Variants in ADCY2 observed in about 807,000 individuals in gnomAD.
ADCY2 encodes the protein adenylate cyclase type 2.
Under a neutral mutation model 125.2 loss-of-function variants are expected in ADCY2, and 31 were observed. That is an observed-to-expected ratio of 0.25 (90% confidence interval 0.19 to 0.33). The LOEUF is 0.33. Ranked by LOEUF, ADCY2 falls within the 10% of genes least tolerant of loss-of-function variation. ADCY2 has a pLI of 1.00. For synonymous variants in ADCY2, 512 were observed against 548.4 expected (o/e 0.93, Z 0.93); for missense variants, 904 against 1,418.2 (o/e 0.64, Z 5.82).
chr5:7,633,425 G>C (rs1738392049), intron 4 of ADCY2, among the ~76,000 whole-genome samples: 1 of 145,158 alleles, frequency 6.9e-6, no homozygotes, highest in Non-Finnish European at 1.5e-5. Flanking sequence ...AACAGAGCAA[G>C]ACTCCATCTC....
At chr5:7,498,130 A>G (rs1296053631) in intron 2 of ADCY2, among the ~76,000 whole-genome samples, 4 of 152,142 alleles carry the variant, frequency 2.6e-5, no homozygotes, top group Non-Finnish European at 1.5e-5. Flanking sequence ...GTGTGGGAGA[A>G]CAGTATATGT....
At chr5:7,784,138 A>G (rs1744009075) in intron 18 of ADCY2, among the ~76,000 whole-genome samples, 1 of 152,120 alleles carries the variant, frequency 6.6e-6, no homozygotes, top group African/African-American at 2.4e-5. Flanking sequence ...GTATAGCTTG[A>G]TATAAAGTAG....
intron 3 of ADCY2, among the ~76,000 whole-genome samples, chr5:7,575,208 C>T (rs1736208862): frequency 6.6e-6 from 1 of 151,830 alleles, no homozygotes; most frequent in East Asian, 1.9e-4. Context: ...AGAAAAATGT[C>T]TGCATTTTAA....
chr5:7,590,796 G>C (rs1736827926), intron 3 of ADCY2, among the ~76,000 whole-genome samples: 1 of 152,082 alleles, frequency 6.6e-6, no homozygotes, highest in African/African-American at 2.4e-5. Flanking sequence ...ATAGAGAAAA[G>C]GGTCCAGTAT....
intron 2 of ADCY2, among the ~76,000 whole-genome samples, chr5:7,480,650 G>A (rs956148275): frequency 6.6e-6 from 1 of 152,036 alleles, no homozygotes; most frequent in Non-Finnish European, 1.5e-5. Flanking sequence ...TGACTGATGG[G>A]TAATAGGCTT....
intron 16 of ADCY2, among the ~76,000 whole-genome samples, chr5:7,761,250 A>G (rs527246583): frequency 7.1e-6 from 1 of 141,584 alleles, no homozygotes; most frequent in African/African-American, 2.6e-5. Context: ...CCCAGGTTCA[A>G]ATGATTCTCC....
intron 2 of ADCY2, among the ~76,000 whole-genome samples, chr5:7,425,307 G>A (rs1039934416): frequency 3.9e-5 from 6 of 152,204 alleles, no homozygotes; most frequent in African/African-American, 1.4e-4. Context: ...TGTTTTTGAT[G>A]GCGGCTATCT....
intron 14 of ADCY2, among the ~76,000 whole-genome samples, chr5:7,741,513 TCAC>T (rs1005773266): frequency 1.8e-5 from 2 of 112,602 alleles, no homozygotes; most frequent in African/African-American, 6.7e-5. Context: ...ACCACCACCA[TCAC>T]CACACCACTA....
rs1291499596 is a variant in ADCY2 at position 7,597,987 on chromosome 5, G to A, written c.571-28180G>A. Among the ~76,000 whole-genome samples, 4 of 152,264 alleles carry A rather than the reference G, an allele frequency of 2.6e-5. No individual in the cohort carries two copies. In the East Asian group the frequency reaches 5.8e-4, roughly 22 times the overall value. ...AGTGGGCAATCCAGCCCCCAGCCAG[G>A]CCCTGGAACATGCCCAGCACAACGT... On this transcript the variant is annotated intron_variant, in intron 3 of 24. Coordinates refer to ENST00000338316, the MANE Select transcript of ADCY2 (RefSeq NM_020546.3).
At chr5:7,760,608 G>A (rs993377965) in intron 16 of ADCY2, among the ~76,000 whole-genome samples, 2 of 152,240 alleles carry the variant, frequency 1.3e-5, no homozygotes, top group South Asian at 2.1e-4. Flanking sequence ...ATACACACAC[G>A]TAAGAGTGAG....
intron 2 of ADCY2, among the ~76,000 whole-genome samples, chr5:7,490,879 T>G (rs116253273): frequency 2.1e-3 from 319 of 152,288 alleles, no homozygotes; most frequent in Non-Finnish European, 3.4e-3. Flanking sequence ...CAGGTGTCTG[T>G]TAAATAATGG....
intron 4 of ADCY2, among the ~76,000 whole-genome samples, chr5:7,661,607 G>A (rs1185942168): frequency 6.6e-6 from 1 of 152,236 alleles, no homozygotes; most frequent in Non-Finnish European, 1.5e-5. Flanking sequence ...ATTCAATGAT[G>A]TAATACTCAG....
chr5:7,744,073 T>C (rs1042210207), intron 15 of ADCY2, among the ~76,000 whole-genome samples: 1 of 152,190 alleles, frequency 6.6e-6, no homozygotes, highest in Non-Finnish European at 1.5e-5. Context: ...CAAATGCAAG[T>C]ATAATATGAG....
intron 15 of ADCY2, among the ~76,000 whole-genome samples, chr5:7,751,175 A>G (rs1742802195): frequency 6.6e-6 from 1 of 152,188 alleles, no homozygotes; most frequent in Non-Finnish European, 1.5e-5. Context: ...TAGAAAGTTT[A>G]TGTGGCTCAT....
intron 4 of ADCY2, among the ~76,000 whole-genome samples, chr5:7,658,722 A>T (rs921661771): frequency 1.3e-5 from 2 of 152,222 alleles, no homozygotes; most frequent in African/African-American, 4.8e-5. Flanking sequence ...CTATGGAAAG[A>T]CATTTAAGTT....
chr5:7,670,037 C>T (rs1002876927), intron 4 of ADCY2, among the ~76,000 whole-genome samples: 1 of 152,218 alleles, frequency 6.6e-6, no homozygotes, highest in African/African-American at 2.4e-5. Flanking sequence ...AGGGTAACCA[C>T]TCCAGACAGT....
At chr5:7,770,228 G>A (rs1451442507) in intron 17 of ADCY2, among the ~76,000 whole-genome samples, 1 of 152,172 alleles carries the variant, frequency 6.6e-6, no homozygotes, top group Non-Finnish European at 1.5e-5. Flanking sequence ...AATGAATTTT[G>A]AAATGTGAAA....
chr5:7,592,404 T>G (rs1736874057), intron 3 of ADCY2, among the ~76,000 whole-genome samples: 1 of 152,176 alleles, frequency 6.6e-6, no homozygotes. Context: ...AATAGAATGT[T>G]TCAGCACCTA....
intron 4 of ADCY2, chr5:7,685,218 G>A (rs1364951327): frequency 6.6e-6 from 1 of 152,304 alleles, no homozygotes; most frequent in East Asian, 1.9e-4. Context: ...TTTCCTCTGC[G>A]TGGTGCTAGT....
Sources: allele counts gnomAD v4.1 joint callset (sites outside exome capture counted in the v4.1 genomes callset), GRCh38; gene constraint gnomAD v4.1.1; transcripts MANE v1.5; gene names NCBI Gene and HGNC (gene_info 2026-07-23, HGNC 2026-07-21).